The following GRIN3A variants were observed in gnomAD, a reference collection of about 807,000 sequenced individuals.
GRIN3A encodes the protein glutamate receptor ionotropic, NMDA 3A.
A neutral mutation model predicts 92.4 loss-of-function variants in GRIN3A; 47 were observed. That is an observed-to-expected ratio of 0.51 (90% CI 0.40 to 0.65). The LOEUF (loss-of-function observed/expected upper bound fraction) is 0.65. Ranked by LOEUF, GRIN3A falls within the 30% of genes least tolerant of loss-of-function variation. GRIN3A has a pLI of 0.00. For missense variants in GRIN3A, 1,324 were observed against 1,393.1 expected (o/e 0.95, Z 0.79); for synonymous variants, 527 against 540.6 (o/e 0.97, Z 0.35).
chr9:101,615,250 T>C (rs10125230), intron 5 of GRIN3A, among the ~76,000 whole-genome samples: 1 of 148,548 alleles, frequency 6.7e-6, no homozygotes, highest in African/African-American at 2.5e-5. Flanking sequence ...TGAGGAAGAG[T>C]GATTAAAAAT....
chr9:101,736,431 A>G (rs949276539), intron 1 of GRIN3A, among the ~76,000 whole-genome samples: 12 of 151,402 alleles, frequency 7.9e-5, no homozygotes, highest in African/African-American at 2.9e-4. Flanking sequence ...AAGTTCACAA[A>G]TAGCTCTTTC....
intron 3 of GRIN3A, among the ~76,000 whole-genome samples, chr9:101,651,574 C>G (rs1004170876): frequency 6.6e-6 from 1 of 151,546 alleles, no homozygotes; most frequent in Non-Finnish European, 1.5e-5. Context: ...TCCACAGACC[C>G]TATGCACAAA....
At chr9:101,617,504 A>G (rs184567939) in intron 5 of GRIN3A, among the ~76,000 whole-genome samples, 27 of 152,170 alleles carry the variant, frequency 1.8e-4, no homozygotes, top group Admixed American at 1.8e-3. Context: ...ATATTAAATC[A>G]CTCCACTCGA....
intron 2 of GRIN3A, among the ~76,000 whole-genome samples, chr9:101,676,863 C>CTT (rs11428077): frequency 5.0e-4 from 74 of 147,368 alleles, no homozygotes; most frequent in African/African-American, 1.3e-3. Context: ...TCCCCTTTTC[C>CTT]TTTTTTTTTT....
chr9:101,604,669 G>GC (rs1319360448), intron 6 of GRIN3A, among the ~76,000 whole-genome samples: 1 of 152,138 alleles, frequency 6.6e-6, no homozygotes, highest in Non-Finnish European at 1.5e-5. Flanking sequence ...TGAGAAAGGG[G>GC]CAGGAGGGTG....
Position 101,670,850 on chromosome 9 carries a change from A to G in GRIN3A, c.1562T>C (p.Ile521Thr). The change falls in exon 3 of 9, where the codon ATT becomes ACT. Residue 521 changes from isoleucine (I) to threonine (T), a missense_variant. Coordinates refer to ENST00000361820, the MANE Select transcript of GRIN3A (RefSeq NM_133445.3). ...CCTTGTGAAGACAAAAGGATGCTCA[A>G]TCAGGGTAACCACTCTCAAGTGTAG... is the stretch of plus-strand genomic sequence containing the variant. ...SKLHLRVVTL[I>T]EHPFVFTREV... The G allele has an allele frequency of 1.2e-6, 2 of 1,613,918 alleles. No homozygotes were observed. The highest frequency in any genetic ancestry group is 1.1e-5 in the South Asian group (1 of 91,076).
chr9:101,684,714 ATTC>A (rs1829508250), intron 2 of GRIN3A, among the ~76,000 whole-genome samples: 1 of 152,140 alleles, frequency 6.6e-6, no homozygotes, highest in African/African-American at 2.4e-5. Flanking sequence ...GTCAACAAAT[ATTC>A]TTCTCTGTAG....
At chr9:101,674,729 C>T (rs1212872818) in intron 2 of GRIN3A, among the ~76,000 whole-genome samples, 5 of 152,152 alleles carry the variant, frequency 3.3e-5, no homozygotes, top group Admixed American at 6.6e-5. Context: ...ATAACTGCTC[C>T]AGCCTGGATA....
At chr9:101,629,355 C>T (rs143742577) in intron 3 of GRIN3A, among the ~76,000 whole-genome samples, 1 of 152,178 alleles carries the variant, frequency 6.6e-6, no homozygotes, top group East Asian at 1.9e-4. Flanking sequence ...TTTTTATTTA[C>T]AGATTATCTG....
At chr9:101,714,034 T>C (rs1437220701) in intron 1 of GRIN3A, among the ~76,000 whole-genome samples, 3 of 151,636 alleles carry the variant, frequency 2.0e-5, no homozygotes, top group Admixed American at 1.3e-4. Flanking sequence ...TTCTGAAAAA[T>C]AAAAATTAAA....
intron 5 of GRIN3A, 122 bp from the exon 6 acceptor site, chr9:101,613,649 CT>C (rs1443354926): frequency 1.1e-5 from 10 of 899,486 alleles, no homozygotes; most frequent in Non-Finnish European, 1.6e-5. Context: ...TTTTCATCAA[CT>C]TTCTTTCAAA....
chr9:101,709,565 G>T (rs907175400), intron 1 of GRIN3A, among the ~76,000 whole-genome samples: 3 of 152,184 alleles, frequency 2.0e-5, no homozygotes, highest in African/African-American at 4.8e-5. Flanking sequence ...AGAGGAGAGA[G>T]AACTGGACTT....
chr9:101,597,782 G>T (rs909711317), intron 6 of GRIN3A, among the ~76,000 whole-genome samples: 1 of 152,110 alleles, frequency 6.6e-6, no homozygotes, highest in Non-Finnish European at 1.5e-5. Flanking sequence ...TTATAAAGTT[G>T]TAAAAAGTTT....
Position 101,573,451 on chromosome 9 carries a change from C to T in GRIN3A, c.3071G>A (p.Arg1024Gln), listed in dbSNP as rs747665255. ...WNTSNLSHDNRRKYIFSDEEG... is the reference protein window; with the variant it reads ...WNTSNLSHDNQRKYIFSDEEG... ...CTCATCACTAAAGATGTATTTCCGT[C>T]GGTTGTCATGACTCAGATTGGAAGT... The change falls in exon 9 of 9, where the codon CGA (arginine) becomes CAA (glutamine). Residue 1024 changes from arginine (R) to glutamine (Q), a missense_variant. Transcript: ENST00000361820. 1.5e-5 allele frequency: 24 copies of T among 1,613,878 alleles called. No individual in the cohort carries two copies. In the African/African-American group the frequency reaches 1.9e-4, roughly 13 times the overall value.
chr9:101,705,669 C>A (rs868131486), intron 1 of GRIN3A, among the ~76,000 whole-genome samples: 3 of 152,156 alleles, frequency 2.0e-5, no homozygotes, highest in South Asian at 4.2e-4. Flanking sequence ...ACAAGCCACA[C>A]CCCTGCCACA....
intron 1 of GRIN3A, among the ~76,000 whole-genome samples, chr9:101,730,445 G>A (rs549440649): frequency 1.3e-5 from 2 of 152,216 alleles, no homozygotes; most frequent in South Asian, 4.1e-4. Flanking sequence ...TACATATGGT[G>A]CAGTCCTCAC....
At chr9:101,715,398 T>C (rs2119019673) in intron 1 of GRIN3A, among the ~76,000 whole-genome samples, 1 of 152,254 alleles carries the variant, frequency 6.6e-6, no homozygotes, top group Non-Finnish European at 1.5e-5. Flanking sequence ...GGCTCATGCC[T>C]ATAATCCTAG....
At chr9:101,692,656 C>T (rs1419930338) in intron 1 of GRIN3A, among the ~76,000 whole-genome samples, 3 of 152,118 alleles carry the variant, frequency 2.0e-5, no homozygotes, top group South Asian at 2.1e-4. Flanking sequence ...TCCTTTCATC[C>T]GTCTGCTGAT....
At chr9:101,589,953 G>GCTA (rs1294596471) in intron 6 of GRIN3A, among the ~76,000 whole-genome samples, 2 of 152,084 alleles carry the variant, frequency 1.3e-5, no homozygotes, top group Non-Finnish European at 2.9e-5. Context: ...TCAATAAAAA[G>GCTA]CTACCTCCAT....
Sources: gnomAD v4.1 joint callset for allele counts (sites outside exome capture counted in the v4.1 genomes callset) on GRCh38, gnomAD v4.1.1 for gene constraint, MANE v1.5 for transcripts, NCBI Gene and HGNC (gene_info 2026-07-23, HGNC 2026-07-21) for gene names.